DPP6: variants seen among roughly 807,000 people sequenced by gnomAD.
The protein encoded by DPP6 is A-type potassium channel modulatory protein DPP6.
In DPP6, 69 loss-of-function variants were observed where a neutral mutation model predicts 122.6. The ratio of observed to expected loss-of-function variants is 0.56; its 90% CI spans 0.46 to 0.69. The LOEUF (loss-of-function observed/expected upper bound fraction) is 0.69. Ranked by LOEUF, DPP6 falls within the 30% of genes least tolerant of loss-of-function variation. The pLI is 0.00. For missense variants in DPP6, 928 were observed against 1,116.9 expected, an observed-to-expected ratio of 0.83 and a Z score of 2.41; for synonymous variants, 418 against 433.1, an observed-to-expected ratio of 0.97 and a Z score of 0.43.
rs776054353 is a variant in DPP6 at position 154,446,168 on chromosome 7, T to A, written c.244-46T>A. The stretch of plus-strand genomic sequence containing the variant: ...ATATGTCTATTTGGCTTATTTTATT[T>A]CCTTATTTCACTCACTGGGGTTTTC... On this transcript the variant is annotated intron_variant, in intron 1 of 25. Coordinates refer to ENST00000377770, the MANE Select transcript of DPP6 (RefSeq NM_130797.4). 8.0e-6 allele frequency: 10 copies of A among 1,245,016 alleles called. No individual in the cohort carries two copies. The Admixed American group carries it at 1.9e-4, about 23-fold the overall frequency. The allele number at this position is 1,245,016 out of a possible 1,614,324, so 77.1% of individuals were successfully genotyped here.
the DPP6 span, among the ~76,000 whole-genome samples, chr7:153,798,134 G>A: frequency 6.6e-6 from 1 of 152,088 alleles, no homozygotes; most frequent in East Asian, 1.9e-4. Context: ...GAGCCACCGT[G>A]CCCAGCCCCC....
chr7:154,361,979 C>T (rs1302673536), intron 1 of DPP6, among the ~76,000 whole-genome samples: 2 of 152,194 alleles, frequency 1.3e-5, no homozygotes, highest in Non-Finnish European at 1.5e-5. Flanking sequence ...CTAGAAGCCA[C>T]GTTGTCTGGT....
chr7:153,845,054 TAAG>T, the DPP6 span, among the ~76,000 whole-genome samples: 1 of 152,174 alleles, frequency 6.6e-6, no homozygotes, highest in African/African-American at 2.4e-5. Flanking sequence ...AGGAAAACTT[TAAG>T]AAGAATTGGC....
At position 154,174,096 on chromosome 7, in the gene DPP6, ACAGTTTCCTTTGGGTGAGAACGGAG is replaced by A. The variant is rs374258716; in HGVS notation, c.243+121034_243+121058del. Among the ~76,000 whole-genome samples, 40 of 152,250 alleles carry A rather than the reference ACAGTTTCCTTTGGGTGAGAACGGAG, an allele frequency of 2.6e-4. 2 individuals are homozygous for A. Among genetic ancestry groups the A allele is most frequent in the African/African-American group, 9.4e-4 (39 of 41,544 alleles). Reference sequence around the variant, plus strand: ...ACAGATTTATTTTCCTTTTCTATTTACAGTTTCCTTTGGGTGAGAACGGAGTGAGTTGGTTATGACCGGGGGACCT... The same window carrying A: ...ACAGATTTATTTTCCTTTTCTATTTATGAGTTGGTTATGACCGGGGGACCT... On this transcript the variant is annotated intron_variant, in intron 1 of 25. Coordinates refer to ENST00000377770, the MANE Select transcript of DPP6 (RefSeq NM_130797.4).
chr7:154,500,628 A>T (rs1825156172), intron 3 of DPP6, among the ~76,000 whole-genome samples: 1 of 152,160 alleles, frequency 6.6e-6, no homozygotes. Context: ...GCCATATGAG[A>T]CATGCCTTTT....
intron 1 of DPP6, among the ~76,000 whole-genome samples, chr7:153,942,627 T>C (rs1801749813): frequency 6.6e-6 from 1 of 152,202 alleles, no homozygotes. Flanking sequence ...GAGGTAGCTG[T>C]GCTCCAGGCT....
At chr7:154,619,226 G>A (rs752376568) in intron 5 of DPP6, among the ~76,000 whole-genome samples, 4 of 152,072 alleles carry the variant, frequency 2.6e-5, no homozygotes, top group African/African-American at 4.8e-5. Flanking sequence ...ACATACCATC[G>A]ATTGGCACAG....
At chr7:153,929,518 A>G (rs1262741196) in intron 1 of DPP6, among the ~76,000 whole-genome samples, 1 of 152,044 alleles carries the variant, frequency 6.6e-6, no homozygotes, top group Non-Finnish European at 1.5e-5. Context: ...CAGCAACTAG[A>G]TGATGTTTAC....
intron 1 of DPP6, among the ~76,000 whole-genome samples, chr7:153,944,242 G>A (rs1801833335): frequency 6.6e-6 from 1 of 152,198 alleles, no homozygotes; most frequent in Non-Finnish European, 1.5e-5. Flanking sequence ...TCAACTAATG[G>A]GTGTTTGCAT....
At chr7:154,682,355 G>A (rs992360190) in intron 7 of DPP6, among the ~76,000 whole-genome samples, 1 of 152,224 alleles carries the variant, frequency 6.6e-6, no homozygotes, top group Non-Finnish European at 1.5e-5. Context: ...TCTTTCCAAG[G>A]ACGTTTCAGA....
intron 1 of DPP6, among the ~76,000 whole-genome samples, chr7:153,949,559 C>G (rs1806202249): frequency 6.6e-6 from 1 of 152,132 alleles, no homozygotes. Context: ...GGTAGACGTT[C>G]AAAGGGAATC....
chr7:154,288,814 C>T lies in DPP6; in HGVS notation c.244-157400C>T, dbSNP rs564432800. 5.9e-5 allele frequency among the ~76,000 whole-genome samples: 9 copies of T among 152,288 alleles called. No homozygotes were observed. The South Asian group carries it at 8.3e-4, about 14-fold the overall frequency. The stretch of plus-strand genomic sequence containing the variant: ...CAGATGCAAATACCTGCCTTTGTTA[C>T]GCTGACATTCTAGAGGACATTTAAA... On this transcript the variant is annotated intron_variant, in intron 1 of 25. Coordinates refer to ENST00000377770, the MANE Select transcript of DPP6 (RefSeq NM_130797.4).
At chr7:154,154,864 C>T (rs1478433669) in intron 1 of DPP6, among the ~76,000 whole-genome samples, 6 of 152,190 alleles carry the variant, frequency 3.9e-5, no homozygotes, top group East Asian at 1.9e-4. Context: ...GGTAAGAGCC[C>T]GTGTGGCTCA....
intron 5 of DPP6, among the ~76,000 whole-genome samples, chr7:154,596,921 T>C (rs536484034): frequency 4.9e-4 from 75 of 152,222 alleles, no homozygotes; most frequent in African/African-American, 1.8e-3. Context: ...GGTAGAAAAG[T>C]ATAAAGTATT....
chr7:153,848,208 C>G, the DPP6 span, among the ~76,000 whole-genome samples: 1 of 152,016 alleles, frequency 6.6e-6, no homozygotes, highest in East Asian at 1.9e-4. Flanking sequence ...GGCTTTGAGT[C>G]AACACACTTG....
At chr7:154,084,877 C>G (rs977496517) in intron 1 of DPP6, among the ~76,000 whole-genome samples, 11 of 149,914 alleles carry the variant, frequency 7.3e-5, no homozygotes, top group Non-Finnish European at 1.2e-4. Flanking sequence ...GGAGTCCCAG[C>G]TACTTGGGAG....
chr7:154,852,700 G>A (rs1802507961), intron 16 of DPP6, among the ~76,000 whole-genome samples: 1 of 152,230 alleles, frequency 6.6e-6, no homozygotes, highest in Admixed American at 6.5e-5. Flanking sequence ...TCCTAGTGCA[G>A]TAGATGAGGA....
intron 1 of DPP6, among the ~76,000 whole-genome samples, chr7:154,370,708 A>G (rs1812580275): frequency 6.6e-6 from 1 of 152,180 alleles, no homozygotes; most frequent in Admixed American, 6.5e-5. Context: ...GAGCTCTTCA[A>G]TTTCTTTGCA....
intron 2 of DPP6, among the ~76,000 whole-genome samples, chr7:154,451,085 C>T (rs76955390): frequency 0.06 from 9,114 of 152,018 alleles, 364 homozygotes; most frequent in East Asian, 0.13. Flanking sequence ...GGAATAAGGC[C>T]GGTGTGGTGG....
Sources: gnomAD v4.1 joint callset for allele counts (sites outside exome capture counted in the v4.1 genomes callset) on GRCh38, gnomAD v4.1.1 for gene constraint, MANE v1.5 for transcripts, NCBI Gene and HGNC (gene_info 2026-07-23, HGNC 2026-07-21) for gene names.